The following CGNL1 variants were observed in gnomAD, a reference collection of about 807,000 sequenced individuals.
CGNL1 encodes the protein cingulin like 1, also known as cingulin-like protein 1.
Under a neutral mutation model 141.2 loss-of-function variants are expected in CGNL1, and 132 were observed. The ratio of observed to expected loss-of-function variants is 0.93; its 90% CI spans 0.81 to 1.08. The LOEUF is 1.08. Among genes scored for constraint, CGNL1 ranks in the 50% least tolerant of loss-of-function variants. The pLI, the probability that CGNL1 is intolerant of heterozygous loss-of-function variation, is 0.00. For missense variants in CGNL1, 1,870 were observed against 1,588.6 expected (o/e 1.18, Z -3.01); for synonymous variants, 690 against 622.1 (o/e 1.11, Z -1.63).
intron 7 of CGNL1, among the ~76,000 whole-genome samples, chr15:57,458,920 C>CA (rs1388998076): frequency 2.6e-5 from 4 of 152,188 alleles, no homozygotes; most frequent in African/African-American, 9.7e-5. Flanking sequence ...TCTTGATGGG[C>CA]AAAATCTTAG....
chr15:57,476,133 T>C (rs1387867921), intron 8 of CGNL1, among the ~76,000 whole-genome samples: 1 of 152,082 alleles, frequency 6.6e-6, no homozygotes, highest in East Asian at 1.9e-4. Context: ...TGACAGCCAG[T>C]TCGGTGTGGG....
intron 1 of CGNL1, among the ~76,000 whole-genome samples, chr15:57,379,044 T>G (rs1274131812): frequency 6.7e-6 from 1 of 150,284 alleles, no homozygotes; most frequent in African/African-American, 2.5e-5. Context: ...TCCTACTGTT[T>G]TTTTTGTGTG....
At chr15:57,416,035 C>G (rs1242651192) in intron 1 of CGNL1, among the ~76,000 whole-genome samples, 1 of 152,108 alleles carries the variant, frequency 6.6e-6, no homozygotes, top group Non-Finnish European at 1.5e-5. Flanking sequence ...CTGTAGTCCT[C>G]AAATATCAGA....
chr15:57,413,131 T>A (rs2062808932), intron 1 of CGNL1, among the ~76,000 whole-genome samples: 1 of 152,182 alleles, frequency 6.6e-6, no homozygotes, highest in African/African-American at 2.4e-5. Flanking sequence ...AGTGCTGGGA[T>A]TAGGGCGTGA....
At chr15:57,474,750 C>A (rs776733160) in intron 8 of CGNL1, among the ~76,000 whole-genome samples, 77 of 152,116 alleles carry the variant, frequency 5.1e-4, no homozygotes, top group Non-Finnish European at 9.6e-4. Flanking sequence ...TGGATTATTT[C>A]AAGAGGGAGA....
At chr15:57,456,450 A>G (rs1224814395) in intron 7 of CGNL1, among the ~76,000 whole-genome samples, 1 of 152,000 alleles carries the variant, frequency 6.6e-6, no homozygotes, top group African/African-American at 2.4e-5. Context: ...TCTATGGAGC[A>G]GCCATTCTTT....
intron 4 of CGNL1, among the ~76,000 whole-genome samples, chr15:57,445,952 T>C (rs567558146): frequency 6.6e-6 from 1 of 152,332 alleles, no homozygotes; most frequent in African/African-American, 2.4e-5. Context: ...ATCAGATCCC[T>C]CTTCATTATG....
chr15:57,429,656 A>T (rs1664430), intron 1 of CGNL1, among the ~76,000 whole-genome samples: 2 of 152,188 alleles, frequency 1.3e-5, no homozygotes, highest in African/African-American at 4.8e-5. Flanking sequence ...TGGCTTCTTC[A>T]TTAGTTAATA....
rs2063201127 is a variant in CGNL1, at chr15:57,442,414, T to C, written c.1739T>C (p.Leu580Ser). 6.2e-7 allele frequency: 1 copy of C among 1,613,676 alleles called. No individual in the cohort carries two copies. The highest frequency in any genetic ancestry group is 8.5e-7 in the Non-Finnish European group (1 of 1,179,784). Residue 580 changes from leucine to serine, a missense_variant, in exon 4 of 19, where the codon TTG becomes TCG. Transcript: ENST00000281282. ...NDDATKRKVN[L>S]VFEKIQTLKS... ...GATGCTACTAAAAGGAAAGTCAACT[T>C]GGTCTTTGAGAAAATCCAGACCTTA... is the stretch of plus-strand genomic sequence containing the variant.
chr15:57,455,413 T>C (rs1191718259), intron 7 of CGNL1, among the ~76,000 whole-genome samples: 2 of 152,236 alleles, frequency 1.3e-5, no homozygotes, highest in Non-Finnish European at 2.9e-5. Context: ...GATGTTATCT[T>C]AGCTCTTGGG....
At chr15:57,395,873 T>G (rs1245448992) in intron 1 of CGNL1, among the ~76,000 whole-genome samples, 2 of 152,246 alleles carry the variant, frequency 1.3e-5, no homozygotes, top group African/African-American at 4.8e-5. Context: ...AAACATTTTT[T>G]TTAATTCATA....
intron 1 of CGNL1, among the ~76,000 whole-genome samples, chr15:57,386,831 T>C (rs1036070378): frequency 1.2e-4 from 19 of 152,188 alleles, no homozygotes; most frequent in Admixed American, 2.0e-4. Flanking sequence ...TGATGTTGGC[T>C]TGTAGCTTGT....
chr15:57,456,777 A>G (rs2063384156), intron 7 of CGNL1, among the ~76,000 whole-genome samples: 1 of 152,178 alleles, frequency 6.6e-6, no homozygotes, highest in African/African-American at 2.4e-5. Flanking sequence ...TTTTCTAATT[A>G]TCAAATGTCT....
chr15:57,494,861 A>G (rs531539329), intron 8 of CGNL1, among the ~76,000 whole-genome samples: 20 of 152,272 alleles, frequency 1.3e-4, no homozygotes, highest in African/African-American at 4.3e-4. Context: ...CCATCCCTCT[A>G]AATGTCTCCA....
chr15:57,420,012 A>AT (rs1244214361), intron 1 of CGNL1, among the ~76,000 whole-genome samples: 1 of 152,148 alleles, frequency 6.6e-6, no homozygotes, highest in Non-Finnish European at 1.5e-5. Context: ...ATCCAACACT[A>AT]TTTTTTGGGC....
In CGNL1 at chr15:57,407,471, G is replaced by C. The variant is rs567666970; in HGVS notation, c.-15-30514G>C. 4.7e-4 allele frequency among the ~76,000 whole-genome samples: 71 copies of C among 152,236 alleles called. 1 individual carries two copies. The highest frequency in any genetic ancestry group is 3.7e-3 in the South Asian group (18 of 4,818). ...AAGGACTGCTTGAGACCAGGAGTTT[G>C]AGACCAGCCTGGGCAACATAGTGAC... is the stretch of plus-strand genomic sequence containing the variant. On this transcript the variant is annotated intron_variant, in intron 1 of 18. Transcript: ENST00000281282.
At chr15:57,474,108 A>G (rs956555553) in intron 8 of CGNL1, among the ~76,000 whole-genome samples, 1 of 151,592 alleles carries the variant, frequency 6.6e-6, no homozygotes, top group Non-Finnish European at 1.5e-5. Flanking sequence ...ACGGGGTTTC[A>G]CCATATTGGC....
At chr15:57,460,914 G>T (rs2063437473) in intron 7 of CGNL1, among the ~76,000 whole-genome samples, 1 of 152,152 alleles carries the variant, frequency 6.6e-6, no homozygotes, top group Non-Finnish European at 1.5e-5. Context: ...GGCCTGGAGT[G>T]CAGAGAGGGG....
rs200649334 is a variant in CGNL1 at position 57,439,157 on chromosome 15, C to G, written c.1158C>G (p.Ser386=). The change falls in exon 2 of 19, where the codon TCC becomes TCG. Residue 386 remains serine (S), a synonymous_variant. Coordinates refer to ENST00000281282, the MANE Select transcript of CGNL1 (RefSeq NM_032866.5). ...NRINTDDRKR[S]RSVDSAFPFG... ...TTAATACAGATGACAGGAAAAGATCCAGAAGCGTGGATAGCGCCTTTCCTT... is the reference window on the plus strand; with the variant it reads ...TTAATACAGATGACAGGAAAAGATCGAGAAGCGTGGATAGCGCCTTTCCTT... The G allele has an allele frequency of 3.7e-6, 6 of 1,614,180 alleles. No homozygotes were observed. Among genetic ancestry groups the G allele is most frequent in the Admixed American group, 1.7e-5 (1 of 60,024 alleles).
Sources: gnomAD v4.1 joint callset for allele counts (sites outside exome capture counted in the v4.1 genomes callset) on GRCh38, gnomAD v4.1.1 for gene constraint, MANE v1.5 for transcripts, NCBI Gene and HGNC (gene_info 2026-07-23, HGNC 2026-07-21) for gene names.